DPP3: variants seen among roughly 807,000 people sequenced by gnomAD.
DPP3 encodes dipeptidyl peptidase 3, also known as DPP III.
In DPP3, 64 loss-of-function variants were observed where a neutral mutation model predicts 89.8. The ratio of observed to expected loss-of-function variants is 0.71; its 90% CI spans 0.58 to 0.88. The LOEUF (loss-of-function observed/expected upper bound fraction) is 0.88. DPP3 is among the 40% of genes least tolerant of loss of function. The pLI is 0.00. For synonymous variants in DPP3, 377 were observed against 404.3 expected, an observed-to-expected ratio of 0.93 and a Z score of 0.81; for missense variants, 835 against 972.5, an observed-to-expected ratio of 0.86 and a Z score of 1.88.
Position 66,509,149 on chromosome 11 carries a change from C to T in DPP3, c.2112C>T (p.Phe704=). The T allele has an allele frequency of 6.2e-7, 1 of 1,614,198 alleles. No individual in the cohort carries two copies. The highest frequency in any genetic ancestry group is 8.5e-7 in the Non-Finnish European group (1 of 1,180,050). ...AGLIRSFSER[F]PEDGPELEEI... ...TCATCCGATCCTTCTCTGAGCGTTT[C>T]CCAGAGGATGGACCCGAGTTGGAGG... The change falls in exon 18 of 18, where the codon TTC becomes TTT. Residue 704 remains phenylalanine (F), a synonymous_variant. Transcript: ENST00000531863.
At chr11:66,504,921 T>A in intron 17 of DPP3, 147 bp downstream of exon 17, 1 of 814,750 alleles carries the variant, frequency 1.2e-6, no homozygotes, top group Non-Finnish European at 1.8e-6. Flanking sequence ...GTCCTTCCCA[T>A]GCCAAACCTC....
chr11:66,480,507 T>A, intron 1 of DPP3, 42 bp downstream of exon 1: 3 of 1,471,898 alleles, frequency 2.0e-6, no homozygotes, highest in Non-Finnish European at 2.7e-6. Flanking sequence ...AAGCGTGTCA[T>A]CCCGGGGGAC....
Position 66,491,310 on chromosome 11 carries a change from G to C in DPP3, c.725G>C (p.Ser242Thr), listed in dbSNP as rs769338453. The part of the protein sequence containing the change: ...SKLKSYEFRG[S>T]PFQVTRGDYA... ...CTGAAGAGCTATGAATTCCGGGGAA[G>C]CCCTTTCCAGGTGACCCGGGGGGAC... Residue 242 changes from serine (S) to threonine (T), a missense_variant, in exon 7 of 18, where the codon AGC becomes ACC. By Grantham distance (58) the Ser-to-Thr change is moderately conservative. Coordinates refer to ENST00000531863, the MANE Select transcript of DPP3 (RefSeq NM_130443.4). 1.2e-6 allele frequency: 2 copies of C among 1,614,050 alleles called. No homozygotes were observed. Among genetic ancestry groups the C allele is most frequent in the South Asian group, 2.2e-5 (2 of 91,076 alleles).
At position 66,509,417 on chromosome 11, in the gene DPP3, C is replaced by A; in HGVS notation, c.*166C>A. On this transcript the variant is annotated 3_prime_UTR_variant, in exon 18 of 18. Coordinates refer to ENST00000531863, the MANE Select transcript of DPP3 (RefSeq NM_130443.4). ...AACCCCTTCCATTTGTCAGCACTTT[C>A]CAGCCTGCCAATTGCTTCCCCTCTG... 1 of 1,535,866 alleles carries A rather than the reference C, an allele frequency of 6.5e-7. No individual in the cohort carries two copies. The highest frequency in any genetic ancestry group is 8.7e-7 in the Non-Finnish European group (1 of 1,146,372).
intron 17 of DPP3, among the ~76,000 whole-genome samples, chr11:66,506,625 G>A (rs1312002147): frequency 6.6e-6 from 1 of 151,578 alleles, no homozygotes; most frequent in Admixed American, 6.6e-5. Context: ...CTGGGATTTG[G>A]CCCCAACCCT....
At position 66,493,569 on chromosome 11, in the gene DPP3, C is replaced by T. The variant is rs758637587; in HGVS notation, c.1325C>T (p.Ser442Phe). Residue 442 changes from serine (S) to phenylalanine (F), a missense_variant, in exon 12 of 18, where the codon TCC (serine) becomes TTC (phenylalanine). By Grantham distance (155) the Ser-to-Phe change is radical (BLOSUM62 -2). Coordinates refer to ENST00000531863, the MANE Select transcript of DPP3 (RefSeq NM_130443.4). ...CTGTACATCCTCTGGAAGGGGCCCT[C>T]CTTCGATGTGCAGGTGGGCCTGCAC... ...KDLYILWKGP[S>F]FDVQVGLHEL... 2 of 1,613,252 alleles carry T rather than the reference C, an allele frequency of 1.2e-6. No individual in the cohort carries two copies. The highest frequency in any genetic ancestry group is 1.7e-6 in the Non-Finnish European group (2 of 1,179,928).
At position 66,484,227 on chromosome 11, in the gene DPP3, C is replaced by T. The variant is rs571547408; in HGVS notation, c.271-946C>T. Among the ~76,000 whole-genome samples the T allele has an allele frequency of 5.9e-5, 9 of 152,244 alleles. No homozygotes were observed. The Middle Eastern group carries it at 0.01, about 173-fold the overall frequency. ...TCCTGACCTCGTGATCTGCCCGCCT[C>T]GGCCTCCCAGAGTGCTTGGGATTAC... On this transcript the variant is annotated intron_variant, in intron 2 of 17. Coordinates refer to ENST00000531863, the MANE Select transcript of DPP3 (RefSeq NM_130443.4).
intron 12 of DPP3, 128 bp downstream of exon 12, chr11:66,493,761 C>A: frequency 1.0e-6 from 1 of 971,686 alleles, no homozygotes; most frequent in Non-Finnish European, 1.5e-6. Context: ...GGAAAATGGC[C>A]CCTTAGGCAG....
intron 5 of DPP3, 78 bp downstream of exon 5, chr11:66,487,420 C>T (rs1362623079): frequency 1.4e-6 from 2 of 1,431,686 alleles, no homozygotes; most frequent in Non-Finnish European, 9.8e-7. Flanking sequence ...CTGGTGACCA[C>T]TCCTGGGTCT....
chr11:66,497,919 TTTTA>T (rs756217457), intron 16 of DPP3, among the ~76,000 whole-genome samples: 10 of 151,850 alleles, frequency 6.6e-5, no homozygotes, highest in Non-Finnish European at 7.4e-5. Flanking sequence ...TAAGGACATC[TTTTA>T]TTTATTTATT....
chr11:66,495,326 G>T, intron 13 of DPP3, 39 bp from the exon 14 acceptor site: 1 of 1,613,876 alleles, frequency 6.2e-7, no homozygotes, highest in Non-Finnish European at 8.5e-7. Flanking sequence ...AGGTGGGGCA[G>T]TGGCCACCTT....
intron 16 of DPP3, among the ~76,000 whole-genome samples, chr11:66,499,427 T>C (rs187147873): frequency 6.6e-6 from 1 of 152,046 alleles, no homozygotes; most frequent in Non-Finnish European, 1.5e-5. Context: ...GCCCCGCTTA[T>C]CCACAGTTTT....
chr11:66,495,195 G>A lies in DPP3; in HGVS notation c.1390-11G>A, dbSNP rs759288994. On this transcript the variant is annotated splice_polypyrimidine_tract_variant and intron_variant, in intron 12 of 17. Coordinates refer to ENST00000531863, the MANE Select transcript of DPP3 (RefSeq NM_130443.4). ...GGGGCGCCTTTCCCTCACCCACCGTGTGTTCTGCAGGACGAAAAAGGAGCA... is the reference window on the plus strand; with the variant it reads ...GGGGCGCCTTTCCCTCACCCACCGTATGTTCTGCAGGACGAAAAAGGAGCA... 23 of 1,612,142 alleles carry A rather than the reference G, an allele frequency of 1.4e-5. No homozygotes were observed. The highest frequency in any genetic ancestry group is 1.6e-5 in the Non-Finnish European group (19 of 1,180,020).
At chr11:66,506,140 C>T (rs997511278) in intron 17 of DPP3, among the ~76,000 whole-genome samples, 8 of 151,896 alleles carry the variant, frequency 5.3e-5, no homozygotes, top group East Asian at 3.9e-4. Context: ...TTAGTAGAGA[C>T]GGGGTTTTAC....
chr11:66,508,751 C>T (rs755230925), intron 17 of DPP3, among the ~76,000 whole-genome samples: 1 of 152,130 alleles, frequency 6.6e-6, no homozygotes, highest in African/African-American at 2.4e-5. Context: ...TCTCAAACTC[C>T]TGACCTCAGG....
At chr11:66,483,798 T>C (rs1855152071) in intron 2 of DPP3, among the ~76,000 whole-genome samples, 1 of 152,184 alleles carries the variant, frequency 6.6e-6, no homozygotes, top group South Asian at 2.1e-4. Context: ...TTTCTATATG[T>C]GAAATAAAGG....
At chr11:66,502,103 G>T (rs1855691628) in intron 16 of DPP3, among the ~76,000 whole-genome samples, 3 of 152,008 alleles carry the variant, frequency 2.0e-5, no homozygotes, top group Admixed American at 2.0e-4. Flanking sequence ...TGAGGCAGAA[G>T]AATTGCTTGA....
At chr11:66,496,863 C>T (rs1855552119) in intron 15 of DPP3, among the ~76,000 whole-genome samples, 1 of 152,190 alleles carries the variant, frequency 6.6e-6, no homozygotes, top group Non-Finnish European at 1.5e-5. Flanking sequence ...CTCTGGGCCT[C>T]TGTTTTATCA....
In DPP3 at chr11:66,495,381, G is replaced by A. The variant is rs148964668; in HGVS notation, c.1469G>A (p.Arg490Gln). 72 of 1,613,690 alleles carry A rather than the reference G, an allele frequency of 4.5e-5. No individual in the cohort carries two copies. In the African/African-American group the frequency reaches 4.9e-4, roughly 11 times the overall value. Reference protein sequence around the residue: ...ETGEQIQSWYRSGETWDSKFS... With the variant: ...ETGEQIQSWYQSGETWDSKFS... ...CTTTTCCAGATTCAGAGCTGGTATC[G>A]GAGCGGGGAGACCTGGGATAGCAAG... is the stretch of plus-strand genomic sequence containing the variant. The change falls in exon 14 of 18, where the codon CGG (arginine) becomes CAG (glutamine). Residue 490 changes from arginine to glutamine, a missense_variant. Coordinates refer to ENST00000531863, the MANE Select transcript of DPP3 (RefSeq NM_130443.4).
Sources: allele counts gnomAD v4.1 joint callset (sites outside exome capture counted in the v4.1 genomes callset), GRCh38; gene constraint gnomAD v4.1.1; transcripts MANE v1.5; gene names NCBI Gene and HGNC (gene_info 2026-07-23, HGNC 2026-07-21).